ATXN2: variants seen among roughly 807,000 people sequenced by gnomAD.
ATXN2 encodes ataxin 2.
Under a neutral mutation model 138.6 loss-of-function variants are expected in ATXN2, and 37 were observed. The observed-to-expected ratio is 0.27, with a 90% CI of 0.21 to 0.35. The LOEUF is 0.35. ATXN2 is among the 10% of genes least tolerant of loss of function. ATXN2 has a pLI of 1.00. For synonymous variants in ATXN2, 549 were observed against 543.7 expected (o/e 1.01, Z -0.13); for missense variants, 1,216 against 1,480.3 (o/e 0.82, Z 2.93).
Position 111,552,820 on chromosome 12 carries a change from T to A in ATXN2, c.420+86A>T. ...ATTTGAAACTGAGAAGTAAAATCAT[T>A]CAAAGTGGCTTTAAAAACTAGGTAA... On this transcript the variant is annotated intron_variant, in intron 4 of 24. Transcript: ENST00000673436. This position sits in a 1 kb window ranked among gnomAD's most constrained non-coding sequence, Gnocchi z 4.1. 1.1e-6 allele frequency: 1 copy of A among 894,062 alleles called. No individual in the cohort carries two copies. Among genetic ancestry groups the A allele is most frequent in the South Asian group, 1.7e-5 (1 of 59,508 alleles). The allele number at this position is 894,062 out of a possible 1,614,324, so 55.4% of individuals were successfully genotyped here. A position where few individuals can be genotyped will look rare whatever the true frequency, so the allele number is the denominator to read the frequency against.
At chr12:111,485,406 A>G in intron 17 of ATXN2, 75 bp from the exon 18 acceptor site, 1 of 1,380,948 alleles carries the variant, frequency 7.2e-7, no homozygotes, top group Non-Finnish European at 1.0e-6. Context: ...TCTTAGTTTT[A>G]TATTGCTAGA....
intron 18 of ATXN2, among the ~76,000 whole-genome samples, chr12:111,475,875 AT>A (rs2135682008): frequency 1.3e-5 from 2 of 152,330 alleles, no homozygotes; most frequent in African/African-American, 4.8e-5. Flanking sequence ...GACACTTGTT[AT>A]ATGATAAAAT....
intron 5 of ATXN2, 38 bp from the exon 6 acceptor site, chr12:111,525,354 T>G (rs777947528): frequency 1.3e-6 from 2 of 1,515,318 alleles, no homozygotes; most frequent in Non-Finnish European, 1.8e-6. Flanking sequence ...TTATATAATC[T>G]GGCAATCAGT....
At chr12:111,495,996 C>T (rs1469092022) in intron 14 of ATXN2, among the ~76,000 whole-genome samples, 1 of 143,804 alleles carries the variant, frequency 7.0e-6, no homozygotes, top group Non-Finnish European at 1.5e-5. Flanking sequence ...AAAAAAAAAT[C>T]CAAAAATATC....
intron 1 of ATXN2, chr12:111,581,745 T>G: frequency 6.4e-6 from 4 of 628,974 alleles, no homozygotes; most frequent in Non-Finnish European, 1.2e-5. Context: ...CTGCTCAGCA[T>G]CATCCCAGTG....
chr12:111,595,975 A>C (rs1884920143), intron 1 of ATXN2, among the ~76,000 whole-genome samples: 1 of 152,012 alleles, frequency 6.6e-6, no homozygotes, highest in Non-Finnish European at 1.5e-5. Context: ...AGGCAGGCGG[A>C]TCACTTGAGG....
At chr12:111,532,557 G>A (rs1244892436) in intron 5 of ATXN2, among the ~76,000 whole-genome samples, 3 of 152,142 alleles carry the variant, frequency 2.0e-5, no homozygotes, top group South Asian at 4.1e-4. Context: ...TTCTATAGGT[G>A]CTTAAGTCAT....
intron 14 of ATXN2, among the ~76,000 whole-genome samples, chr12:111,489,235 G>A (rs1342337226): frequency 6.6e-6 from 1 of 152,164 alleles, no homozygotes; most frequent in Admixed American, 6.5e-5. Context: ...GAAAGGTGTT[G>A]GGATGGAGAA....
At chr12:111,455,692 T>C (rs1364684961) in intron 23 of ATXN2, 5 of 380,870 alleles carry the variant, frequency 1.3e-5, no homozygotes, top group Non-Finnish European at 2.5e-5. Flanking sequence ...TGTAGGGGAA[T>C]ATATATGTAC....
At chr12:111,464,813 C>T in intron 20 of ATXN2, 98 bp from the exon 21 acceptor site, 1 of 891,168 alleles carries the variant, frequency 1.1e-6, no homozygotes, top group Non-Finnish European at 1.8e-6. Context: ...TTTTTGTATT[C>T]ATGCATAATT....
chr12:111,585,998 G>C (rs1453341038), intron 1 of ATXN2, among the ~76,000 whole-genome samples: 1 of 151,806 alleles, frequency 6.6e-6, no homozygotes, highest in East Asian at 1.9e-4. Flanking sequence ...CCAGACTTAA[G>C]TGAACCACCT....
intron 24 of ATXN2, 29 bp from the exon 25 acceptor site, chr12:111,452,869 A>G (rs1208377967): frequency 6.2e-7 from 1 of 1,605,312 alleles, no homozygotes; most frequent in Non-Finnish European, 8.5e-7. Flanking sequence ...ACATTGAAAC[A>G]GAAAACTGGC....
intron 18 of ATXN2, among the ~76,000 whole-genome samples, chr12:111,475,447 T>C (rs921288179): frequency 6.7e-6 from 1 of 150,134 alleles, no homozygotes; most frequent in East Asian, 1.9e-4. Flanking sequence ...TGGACCCTAA[T>C]TGGAACAAAT....
At position 111,467,307 on chromosome 12, in the gene ATXN2, C is replaced by CTTTT. The variant is rs61507608; in HGVS notation, c.2843-2596_2843-2593dup. ...ACAGGCATGTGCCACCATGACTGGGCTTTTTTTTTTTTTTTTTTTTTTTTT... is the reference window on the plus strand; with the variant it reads ...ACAGGCATGTGCCACCATGACTGGGCTTTTTTTTTTTTTTTTTTTTTTTTTTTTT... On this transcript the variant is annotated intron_variant, in intron 20 of 24. Coordinates refer to ENST00000673436, the MANE Select transcript of ATXN2 (RefSeq NM_001372574.1). 6.3e-3 allele frequency among the ~76,000 whole-genome samples: 218 copies of CTTTT among 34,834 alleles called. 67 individuals carry two copies. Among genetic ancestry groups the CTTTT allele is most frequent in the African/African-American group, 0.03 (198 of 6,570 alleles). 22.9% of individuals were successfully genotyped at this position (34,834 alleles called of 152,430 possible).
At position 111,520,940 on chromosome 12, in the gene ATXN2, A is replaced by G. The variant is rs1316716108; in HGVS notation, c.730T>C (p.Tyr244His). The change falls in exon 7 of 25, where the codon TAT (tyrosine) becomes CAT (histidine). Residue 244 changes from tyrosine to histidine, a missense_variant. Physicochemically the swap from Tyr to His is moderately conservative, Grantham distance 83 (BLOSUM62 2). This residue lies in a region of ATXN2 where 401 missense variants were observed against 528.1 expected (regional missense o/e 0.76). Transcript: ENST00000673436. ...ACTACACCATAATTTTCTTCATTATATCGAAACATATCATTGGGATCCCAT... is the reference window on the plus strand; with the variant it reads ...ACTACACCATAATTTTCTTCATTATGTCGAAACATATCATTGGGATCCCAT... The part of the protein sequence containing the change: ...NGWDPNDMFR[Y>H]NEENYGVVST... The G allele has an allele frequency of 6.3e-7, 1 of 1,596,560 alleles. No individual in the cohort carries two copies. The highest frequency in any genetic ancestry group is 1.7e-5 in the Admixed American group (1 of 58,876).
At chr12:111,514,271 T>C (rs1341407766) in intron 10 of ATXN2, among the ~76,000 whole-genome samples, 1 of 152,160 alleles carries the variant, frequency 6.6e-6, no homozygotes, top group Non-Finnish European at 1.5e-5. Flanking sequence ...ATCAGCACTA[T>C]ATGAATTGTC....
intron 17 of ATXN2, 29 bp downstream of exon 17, chr12:111,485,684 C>T: frequency 1.9e-6 from 3 of 1,611,976 alleles, no homozygotes; most frequent in Non-Finnish European, 2.5e-6. Flanking sequence ...ATTGGGGAGG[C>T]TAAGTGAACA....
intron 1 of ATXN2, among the ~76,000 whole-genome samples, chr12:111,585,622 TG>T (rs1884281124): frequency 6.6e-6 from 1 of 151,600 alleles, no homozygotes; most frequent in Admixed American, 6.6e-5. Flanking sequence ...CTGGCCAAAA[TG>T]GGGAAACCCC....
In ATXN2 at chr12:111,599,020, G is replaced by A. The variant is rs769490047; in HGVS notation, c.15C>T (p.Pro5=). MSLK[P]QQQQQQQQQQ... is the part of the protein sequence containing the mutation. ...GCTGCTGCTGCTGCTGCTGCTGCTG[G>A]GGCTTCAGCGACATGGTGAGGGGCC... Residue 5 remains proline, a synonymous_variant, in exon 1 of 25, where the codon CCC becomes CCT. Coordinates refer to ENST00000673436, the MANE Select transcript of ATXN2 (RefSeq NM_001372574.1). 1.3e-6 allele frequency: 2 copies of A among 1,486,774 alleles called. No individual in the cohort carries two copies. Among genetic ancestry groups the A allele is most frequent in the South Asian group, 2.5e-5 (2 of 79,846 alleles). The allele number at this position is 1,486,774 out of a possible 1,614,324, so 92.1% of individuals were successfully genotyped here.
Sources: gnomAD v4.1 joint callset for allele counts (sites outside exome capture counted in the v4.1 genomes callset) on GRCh38, gnomAD v4.1.1 for gene constraint, gnomAD v4.1.1 regional missense constraint, Gnocchi (gnomAD v3.1) non-coding constraint, MANE v1.5 for transcripts, NCBI Gene and HGNC (gene_info 2026-07-23, HGNC 2026-07-21) for gene names.